The following FNDC3B variants were observed in gnomAD, a reference collection of about 807,000 sequenced individuals.
FNDC3B encodes the protein fibronectin type III domain-containing protein 3B.
FNDC3B carries 12 observed loss-of-function variants against 151.5 expected under a neutral mutation model. That is an observed-to-expected ratio of 0.08 (90% CI 0.05 to 0.13). The LOEUF (loss-of-function observed/expected upper bound fraction) is 0.13, where lower values mean the gene tolerates loss of function less well. Ranked by LOEUF, FNDC3B falls within the 10% of genes least tolerant of loss-of-function variation. The pLI is 1.00. For missense variants in FNDC3B, 1,214 were observed against 1,505.3 expected (o/e 0.81, Z 3.20); for synonymous variants, 528 against 549.0 (o/e 0.96, Z 0.54).
intron 25 of FNDC3B, among the ~76,000 whole-genome samples, chr3:172,392,076 C>G (rs943597001): frequency 6.6e-6 from 1 of 152,104 alleles, no homozygotes; most frequent in African/African-American, 2.4e-5. Flanking sequence ...AGTCTGAACT[C>G]TTGAATAGCT....
chr3:172,245,594 A>G (rs1296154599), intron 4 of FNDC3B, among the ~76,000 whole-genome samples: 1 of 152,202 alleles, frequency 6.6e-6, no homozygotes, highest in Non-Finnish European at 1.5e-5. Context: ...TACATGTGCT[A>G]CCAAACAGCA....
chr3:172,212,329 G>A (rs558224223), intron 3 of FNDC3B, among the ~76,000 whole-genome samples: 1 of 152,168 alleles, frequency 6.6e-6, no homozygotes, highest in Non-Finnish European at 1.5e-5. Flanking sequence ...CTACAAATGA[G>A]ATGTGCTTCA....
chr3:172,166,823 T>A (rs1403265713), intron 3 of FNDC3B, among the ~76,000 whole-genome samples: 1 of 53,296 alleles, frequency 1.9e-5, no homozygotes, highest in African/African-American at 7.8e-5. Flanking sequence ...AGTTCAGAAT[T>A]TGGCGGGTGG....
rs928181074 is a variant in FNDC3B at position 172,129,108 on chromosome 3, A to G, written c.112-4363A>G. Among the ~76,000 whole-genome samples the G allele has an allele frequency of 1.2e-4, 19 of 152,246 alleles. 2 individuals carry two copies. The highest frequency in any genetic ancestry group is 1.0e-3 in the Admixed American group (16 of 15,298). On this transcript the variant is annotated intron_variant, in intron 2 of 25. Transcript: ENST00000415807. ...CTCACCCTCCTGAGTTGCTAGAACT[A>G]CAGGAATGCACCACCATGTCCGGCT...
intron 3 of FNDC3B, among the ~76,000 whole-genome samples, chr3:172,188,121 T>A (rs1032721382): frequency 6.7e-6 from 1 of 148,820 alleles, no homozygotes; most frequent in Non-Finnish European, 1.5e-5. Flanking sequence ...TCAGCCTCCC[T>A]AGTAGCTGGG....
chr3:172,281,510 G>T (rs1442925965), intron 6 of FNDC3B, among the ~76,000 whole-genome samples: 1 of 152,176 alleles, frequency 6.6e-6, no homozygotes, highest in Non-Finnish European at 1.5e-5. Context: ...GGTGGAAAAT[G>T]GTTTCGATCT....
At chr3:172,235,499 A>G (rs1315533208) in intron 4 of FNDC3B, among the ~76,000 whole-genome samples, 1 of 152,178 alleles carries the variant, frequency 6.6e-6, no homozygotes, top group Non-Finnish European at 1.5e-5. Flanking sequence ...ACTTAGAACC[A>G]TAGCTCTGTT....
At chr3:172,258,676 C>T (rs1004941073) in intron 6 of FNDC3B, among the ~76,000 whole-genome samples, 14 of 152,108 alleles carry the variant, frequency 9.2e-5, no homozygotes, top group African/African-American at 3.4e-4. Flanking sequence ...CATCCACCTG[C>T]GCAGGGCTGA....
At chr3:172,370,972 T>A (rs1734853498) in intron 23 of FNDC3B, among the ~76,000 whole-genome samples, 1 of 152,174 alleles carries the variant, frequency 6.6e-6, no homozygotes, top group Admixed American at 6.5e-5. Flanking sequence ...CCAAATTCCA[T>A]AATTTACGTT....
intron 4 of FNDC3B, among the ~76,000 whole-genome samples, chr3:172,229,987 C>T (rs954840772): frequency 6.6e-6 from 1 of 152,088 alleles, no homozygotes; most frequent in Non-Finnish European, 1.5e-5. Flanking sequence ...GAACCACTAC[C>T]TCACATCATA....
chr3:172,380,308 C>G (rs1285982624), intron 24 of FNDC3B, among the ~76,000 whole-genome samples: 1 of 151,942 alleles, frequency 6.6e-6, no homozygotes, highest in Non-Finnish European at 1.5e-5. Context: ...AAGTGCCTTA[C>G]TGCAGACTAA....
At chr3:172,336,196 A>G (rs1360484148) in intron 15 of FNDC3B, among the ~76,000 whole-genome samples, 6 of 152,244 alleles carry the variant, frequency 3.9e-5, no homozygotes, top group Non-Finnish European at 8.8e-5. Context: ...AAATTTATAT[A>G]TAAGTAAAAC....
chr3:172,090,463 GAGA>G (rs1718763468), intron 1 of FNDC3B, among the ~76,000 whole-genome samples: 1 of 152,092 alleles, frequency 6.6e-6, no homozygotes, highest in South Asian at 2.1e-4. Context: ...CAGGGAGCTG[GAGA>G]AGGACTTGTG....
intron 6 of FNDC3B, among the ~76,000 whole-genome samples, chr3:172,277,754 G>A (rs1729505895): frequency 6.6e-6 from 1 of 152,146 alleles, no homozygotes; most frequent in South Asian, 2.1e-4. Flanking sequence ...TAACTGATTG[G>A]CTGCATAGCA....
In FNDC3B at chr3:172,352,722, T is replaced by C; in HGVS notation, c.2515-81T>C. On this transcript the variant is annotated intron_variant, in intron 21 of 25. Transcript: ENST00000415807. This position sits in a 1 kb window ranked among gnomAD's most constrained non-coding sequence, Gnocchi z 4.2. ...GTGGAAATGTGTACTACTTTAGATT[T>C]ATTTAATGGCAGCTAACTCAGAGGC... The C allele has an allele frequency of 7.2e-7, 1 of 1,390,356 alleles. No homozygotes were observed. Among genetic ancestry groups the C allele is most frequent in the African/African-American group, 1.4e-5 (1 of 69,862 alleles). The allele number at this position is 1,390,356 out of a possible 1,614,324, so 86.1% of individuals were successfully genotyped here.
At chr3:172,341,847 C>T (rs924942824) in intron 17 of FNDC3B, among the ~76,000 whole-genome samples, 2 of 152,278 alleles carry the variant, frequency 1.3e-5, no homozygotes, top group South Asian at 2.1e-4. Context: ...GCCTTAGTTT[C>T]AACCACATAG....
chr3:172,111,544 A>G (rs1576874047), intron 1 of FNDC3B, among the ~76,000 whole-genome samples: 1 of 152,192 alleles, frequency 6.6e-6, no homozygotes, highest in African/African-American at 2.4e-5. Context: ...AATTTTGCCT[A>G]TTTAAAGTAA....
At chr3:172,267,341 A>T (rs1728978072) in intron 6 of FNDC3B, among the ~76,000 whole-genome samples, 1 of 152,082 alleles carries the variant, frequency 6.6e-6, no homozygotes, top group South Asian at 2.1e-4. Flanking sequence ...TTTTTTGTAG[A>T]GACAGGGTTT....
At chr3:172,117,060 T>C (rs1184735304) in intron 2 of FNDC3B, among the ~76,000 whole-genome samples, 1 of 152,248 alleles carries the variant, frequency 6.6e-6, no homozygotes, top group Non-Finnish European at 1.5e-5. Flanking sequence ...TGTGTGGACA[T>C]GTTTTTTATT....
Sources: gnomAD v4.1 joint callset for allele counts (sites outside exome capture counted in the v4.1 genomes callset) on GRCh38, gnomAD v4.1.1 for gene constraint, Gnocchi (gnomAD v3.1) non-coding constraint, MANE v1.5 for transcripts, NCBI Gene and HGNC (gene_info 2026-07-23, HGNC 2026-07-21) for gene names.